CORO2B: variants seen among roughly 807,000 people sequenced by gnomAD.
CORO2B encodes coronin-2B.
CORO2B carries 26 observed loss-of-function variants against 58.8 expected under a neutral mutation model. The observed-to-expected ratio is 0.44, with a 90% CI of 0.32 to 0.61. The LOEUF is 0.61. Ranked by LOEUF, CORO2B falls within the 20% of genes least tolerant of loss-of-function variation. CORO2B has a pLI of 0.04. For missense variants in CORO2B, 460 were observed against 645.1 expected (o/e 0.71, Z 3.11); for synonymous variants, 242 against 253.8 (o/e 0.95, Z 0.44).
At chr15:68,660,755 T>G (rs1901989028) in intron 2 of CORO2B, among the ~76,000 whole-genome samples, 4 of 152,228 alleles carry the variant, frequency 2.6e-5, no homozygotes, top group African/African-American at 9.6e-5. Flanking sequence ...AATGGCTCTG[T>G]GGTAAATCCG....
At chr15:68,594,758 A>G (rs1899786112) in intron 1 of CORO2B, among the ~76,000 whole-genome samples, 1 of 152,170 alleles carries the variant, frequency 6.6e-6, no homozygotes, top group Non-Finnish European at 1.5e-5. Flanking sequence ...TGCTTGCAGA[A>G]GGAAGTGGGG....
chr15:68,722,267 C>T (rs1277742170), intron 11 of CORO2B, among the ~76,000 whole-genome samples: 1 of 151,054 alleles, frequency 6.6e-6, no homozygotes, highest in African/African-American at 2.4e-5. Context: ...TAAAGGGTCT[C>T]AGAGCAGACA....
At chr15:68,579,302 C>G in intron 1 of CORO2B, 25 bp downstream of exon 1, 1 of 1,282,466 alleles carries the variant, frequency 7.8e-7, no homozygotes, top group Non-Finnish European at 9.9e-7. Flanking sequence ...CCCGCCGCGC[C>G]CGGGACCCGC....
intron 1 of CORO2B, among the ~76,000 whole-genome samples, chr15:68,592,422 G>A (rs879769566): frequency 6.6e-6 from 1 of 152,114 alleles, no homozygotes; most frequent in Middle Eastern, 3.2e-3. Context: ...GGTTACCTGG[G>A]GTGGGGATAG....
intron 2 of CORO2B, among the ~76,000 whole-genome samples, chr15:68,694,563 G>A (rs540221785): frequency 2.6e-4 from 40 of 152,268 alleles, no homozygotes; most frequent in Middle Eastern, 3.4e-3. Flanking sequence ...CATTCATATC[G>A]TAGAGAGAAT....
intron 1 of CORO2B, among the ~76,000 whole-genome samples, chr15:68,584,148 GTC>G (rs1471627301): frequency 1.3e-5 from 2 of 152,246 alleles, no homozygotes; most frequent in African/African-American, 4.8e-5. Context: ...TGAGTTCAGA[GTC>G]TCGAGGTCCA....
chr15:68,653,163 A>G (rs1416735848), intron 2 of CORO2B, among the ~76,000 whole-genome samples: 1 of 152,192 alleles, frequency 6.6e-6, no homozygotes, highest in African/African-American at 2.4e-5. Flanking sequence ...GGTCCAGACA[A>G]GATAGCATCA....
intron 1 of CORO2B, among the ~76,000 whole-genome samples, chr15:68,586,914 A>G (rs952931635): frequency 6.6e-6 from 1 of 152,154 alleles, no homozygotes; most frequent in African/African-American, 2.4e-5. Flanking sequence ...TTCCAAAAGG[A>G]AACTTTGCTC....
At chr15:68,624,681 T>TTTTTC (rs1215269840) in intron 1 of CORO2B, among the ~76,000 whole-genome samples, 3 of 146,922 alleles carry the variant, frequency 2.0e-5, no homozygotes, top group Admixed American at 6.6e-5. Context: ...TCTGTTTTTT[T>TTTTTC]TTTTCTTTTC....
At chr15:68,595,618 G>A (rs1421028789) in intron 1 of CORO2B, among the ~76,000 whole-genome samples, 1 of 152,156 alleles carries the variant, frequency 6.6e-6, no homozygotes, top group Non-Finnish European at 1.5e-5. Context: ...TTCCCATGGT[G>A]GACTTCATGA....
the CORO2B span, among the ~76,000 whole-genome samples, chr15:68,567,428 A>T: frequency 1.3e-5 from 2 of 152,310 alleles, no homozygotes; most frequent in South Asian, 4.1e-4. Context: ...TCACCAGGAG[A>T]TACATGGAGA....
At chr15:68,573,422 G>A in the CORO2B span, among the ~76,000 whole-genome samples, 1 of 152,112 alleles carries the variant, frequency 6.6e-6, no homozygotes, top group African/African-American at 2.4e-5. Flanking sequence ...ACAGGAGGAA[G>A]AGCAAAACCA....
At chr15:68,612,261 A>G (rs1319156319) in intron 1 of CORO2B, among the ~76,000 whole-genome samples, 1 of 152,252 alleles carries the variant, frequency 6.6e-6, no homozygotes, top group Admixed American at 6.5e-5. Flanking sequence ...AAGGATAAAG[A>G]TGGGCACTAT....
chr15:68,657,626 C>T (rs980843848), intron 2 of CORO2B, among the ~76,000 whole-genome samples: 3 of 151,488 alleles, frequency 2.0e-5, no homozygotes, highest in Admixed American at 1.3e-4. Context: ...GAGTGTAGGA[C>T]ACAGTAACGA....
At chr15:68,725,806 T>C (rs1337180393) in intron 11 of CORO2B, 37 bp from the exon 12 acceptor site, 1 of 1,611,476 alleles carries the variant, frequency 6.2e-7, no homozygotes, top group Non-Finnish European at 8.5e-7. Flanking sequence ...TGCTCTCTCC[T>C]GGGCCCTCCT....
At chr15:68,540,323 C>G in the CORO2B span, among the ~76,000 whole-genome samples, 1 of 152,212 alleles carries the variant, frequency 6.6e-6, no homozygotes, top group African/African-American at 2.4e-5. Flanking sequence ...GGGAAGCTGT[C>G]AATCCCACAG....
At chr15:68,560,698 C>T in the CORO2B span, among the ~76,000 whole-genome samples, 4 of 152,236 alleles carry the variant, frequency 2.6e-5, no homozygotes, top group African/African-American at 9.6e-5. Flanking sequence ...TTCCTCCTCT[C>T]TGCTCCTTGC....
At chr15:68,563,487 TAA>T in the CORO2B span, among the ~76,000 whole-genome samples, 60 of 139,542 alleles carry the variant, frequency 4.3e-4, no homozygotes, top group Admixed American at 5.0e-4. Flanking sequence ...ATTCTGTCTT[TAA>T]AAAAAAAAAA....
the CORO2B span, among the ~76,000 whole-genome samples, chr15:68,551,617 G>A: frequency 2.0e-5 from 3 of 152,070 alleles, no homozygotes; most frequent in Admixed American, 6.5e-5. Flanking sequence ...CCCACGGAAG[G>A]CAGCCCAGAC....
Sources: allele counts gnomAD v4.1 joint callset (sites outside exome capture counted in the v4.1 genomes callset), GRCh38; gene constraint gnomAD v4.1.1; transcripts MANE v1.5; gene names NCBI Gene and HGNC (gene_info 2026-07-23, HGNC 2026-07-21).